The following KLF8 variants were observed in gnomAD, a reference collection of about 807,000 sequenced individuals.
The protein encoded by KLF8 is KLF transcription factor 8.
Under a neutral mutation model 18.2 loss-of-function variants are expected in KLF8, and 10 were observed. The ratio of observed to expected loss-of-function variants is 0.55; its 90% CI spans 0.34 to 0.93. The LOEUF (loss-of-function observed/expected upper bound fraction) is 0.93. Among genes scored for constraint, KLF8 ranks in the 40% least tolerant of loss-of-function variants. The probability of loss-of-function intolerance (pLI) is 0.02; values close to 1 mark genes in which losing one functional copy is unlikely to be tolerated. For synonymous variants in KLF8, 109 were observed against 97.3 expected (o/e 1.12, Z -0.71); for missense variants, 264 against 277.9 (o/e 0.95, Z 0.36).
chrX:56,053,691 A>G, the KLF8 span, among the ~76,000 whole-genome samples: 1 of 109,142 alleles, frequency 9.2e-6, no homozygotes, highest in African/African-American at 3.3e-5. Context: ...GGTGCTCATT[A>G]TTGGTGTGTT....
At chrX:56,113,554 GTTT>G in the KLF8 span, among the ~76,000 whole-genome samples, 4 of 34,664 alleles carry the variant, frequency 1.2e-4, no homozygotes, top group Admixed American at 4.6e-4. Flanking sequence ...GGCAGGGATA[GTTT>G]TTTTTTTTTT....
chrX:56,076,554 G>T, the KLF8 span, among the ~76,000 whole-genome samples: 2 of 110,919 alleles, frequency 1.8e-5, no homozygotes, highest in African/African-American at 3.3e-5. Context: ...TGGACATTTG[G>T]GTTGGTTCCA....
the KLF8 span, among the ~76,000 whole-genome samples, chrX:56,081,948 G>C: frequency 9.0e-6 from 1 of 111,345 alleles, no homozygotes; most frequent in African/African-American, 3.3e-5. Context: ...TTTGATTTGA[G>C]GGTAAGTCTG....
the KLF8 span, among the ~76,000 whole-genome samples, chrX:56,096,530 G>A: frequency 9.0e-6 from 1 of 111,564 alleles, no homozygotes; most frequent in Non-Finnish European, 1.9e-5. Flanking sequence ...TTTGTGGGAT[G>A]CAACAAAAGC....
chrX:55,917,544 C>A, the KLF8 span, among the ~76,000 whole-genome samples: 1 of 111,840 alleles, frequency 8.9e-6, no homozygotes, highest in African/African-American at 3.2e-5. Context: ...CGTTTTAATT[C>A]AAAATAAAGT....
the KLF8 span, among the ~76,000 whole-genome samples, chrX:56,184,393 C>A: frequency 1.8e-5 from 2 of 112,590 alleles, no homozygotes; most frequent in Non-Finnish European, 3.8e-5. Flanking sequence ...GTGGAGCCCA[C>A]CACAGCTCAA....
the KLF8 span, among the ~76,000 whole-genome samples, chrX:56,154,061 A>G: frequency 3.6e-5 from 4 of 111,476 alleles, no homozygotes; most frequent in South Asian, 1.5e-3. Flanking sequence ...GACTTTCTTC[A>G]CAGAATTGGA....
chrX:56,275,015 GT>G (rs927478748), intron 5 of KLF8, among the ~76,000 whole-genome samples: 1 of 110,739 alleles, frequency 9.0e-6, no homozygotes, highest in East Asian at 2.8e-4. Context: ...AAATTTTGGG[GT>G]TTTTTTTCTA....
chrX:56,091,962 C>T, the KLF8 span, among the ~76,000 whole-genome samples: 1 of 107,705 alleles, frequency 9.3e-6, no homozygotes, highest in African/African-American at 3.5e-5. Context: ...TTCTCCACGT[C>T]CTCACCAACA....
At chrX:56,160,185 G>T in the KLF8 span, among the ~76,000 whole-genome samples, 6 of 111,926 alleles carry the variant, frequency 5.4e-5, no homozygotes, top group Non-Finnish European at 1.1e-4. Context: ...TAGTTTCCGT[G>T]TAGTTGAGCA....
rs140688693 is a variant in KLF8, at chrX:56,251,236, G to A, written c.81+932G>A. ...GCTCTGTGCTAGATGTTGAAGTCCC[G>A]TCTTTCTTGGGGTTGCAAATTCACT... is the stretch of plus-strand genomic sequence containing the variant. On this transcript the variant is annotated intron_variant, in intron 2 of 5. Transcript: ENST00000468660. Among the ~76,000 whole-genome samples, 163 of 111,859 alleles carry A rather than the reference G, an allele frequency of 1.5e-3. 4 individuals are homozygous for A. The East Asian group carries it at 0.035, about 24-fold the overall frequency.
the KLF8 span, among the ~76,000 whole-genome samples, chrX:56,165,376 G>A: frequency 3.6e-5 from 4 of 112,219 alleles, no homozygotes; most frequent in African/African-American, 1.3e-4. Context: ...TTAAAGCTTG[G>A]TTGAAATGTG....
chrX:56,082,138 A>G, the KLF8 span, among the ~76,000 whole-genome samples: 1 of 111,822 alleles, frequency 8.9e-6, no homozygotes, highest in Non-Finnish European at 1.9e-5. Flanking sequence ...TACTGGTTAT[A>G]GATGTATGCA....
At chrX:56,188,557 A>G in the KLF8 span, among the ~76,000 whole-genome samples, 1 of 111,854 alleles carries the variant, frequency 8.9e-6, no homozygotes, top group Admixed American at 9.5e-5. Flanking sequence ...GAGACGCATC[A>G]CCAAGTCAAT....
intron 2 of KLF8, among the ~76,000 whole-genome samples, chrX:56,261,928 T>C (rs962785752): frequency 2.3e-4 from 26 of 111,969 alleles, no homozygotes; most frequent in African/African-American, 7.8e-4. Context: ...TCTGTTTTCT[T>C]AAGAAAGCTT....
the KLF8 span, among the ~76,000 whole-genome samples, chrX:55,963,628 T>A: frequency 7.0e-4 from 78 of 112,160 alleles, no homozygotes; most frequent in African/African-American, 2.5e-3. Context: ...TAAAACAAGT[T>A]CTTGGACACA....
At chrX:55,926,273 G>A in the KLF8 span, among the ~76,000 whole-genome samples, 2 of 111,505 alleles carry the variant, frequency 1.8e-5, no homozygotes, top group African/African-American at 3.3e-5. Flanking sequence ...TTAGAGGAAA[G>A]CCGTAGGCAC....
chrX:56,096,493 T>C, the KLF8 span, among the ~76,000 whole-genome samples: 3 of 111,041 alleles, frequency 2.7e-5, no homozygotes, highest in African/African-American at 9.8e-5. Context: ...TAAAATAAAA[T>C]GAAAATGAAA....
chrX:56,176,862 A>T, the KLF8 span, among the ~76,000 whole-genome samples: 1 of 111,779 alleles, frequency 8.9e-6, no homozygotes, highest in East Asian at 2.8e-4. Flanking sequence ...TTGAACTTTC[A>T]TCACTGATAC....
Sources: gnomAD v4.1 joint callset for allele counts (sites outside exome capture counted in the v4.1 genomes callset) on GRCh38, gnomAD v4.1.1 for gene constraint, MANE v1.5 for transcripts, NCBI Gene and HGNC (gene_info 2026-07-23, HGNC 2026-07-21) for gene names.